Variants in HDAC9 observed in about 807,000 individuals in gnomAD.
The protein encoded by HDAC9 is histone deacetylase 9, also known as MEF-2 interacting transcription repressor (MITR) protein.
HDAC9 carries 41 observed loss-of-function variants against 139.4 expected under a neutral mutation model. That is an observed-to-expected ratio of 0.29 (90% CI 0.23 to 0.38). The LOEUF is 0.38. Ranked by LOEUF, HDAC9 falls within the 10% of genes least tolerant of loss-of-function variation. The pLI, the probability that HDAC9 is intolerant of heterozygous loss-of-function variation, is 1.00. For synonymous variants in HDAC9, 517 were observed against 476.2 expected (o/e 1.09, Z -1.12); for missense variants, 1,147 against 1,297.0 (o/e 0.88, Z 1.78).
intron 13 of HDAC9, among the ~76,000 whole-genome samples, chr7:18,731,181 AACC>A (rs1786008930): frequency 6.6e-6 from 1 of 152,208 alleles, no homozygotes; most frequent in South Asian, 2.1e-4. Context: ...AATATTCTCA[AACC>A]ATAGTTGAAA....
chr7:18,534,556 T>A (rs1175110468), intron 2 of HDAC9, among the ~76,000 whole-genome samples: 1 of 151,972 alleles, frequency 6.6e-6, no homozygotes, highest in Non-Finnish European at 1.5e-5. Context: ...AAAAAAAAAT[T>A]TAGAGAGAGA....
At chr7:18,612,696 C>G (rs1837496301) in intron 6 of HDAC9, among the ~76,000 whole-genome samples, 1 of 151,992 alleles carries the variant, frequency 6.6e-6, no homozygotes, top group Non-Finnish European at 1.5e-5. Context: ...ATAAGTAAAT[C>G]AGATAATCCA....
At chr7:18,779,162 G>A (rs1357233313) in intron 16 of HDAC9, among the ~76,000 whole-genome samples, 1 of 152,054 alleles carries the variant, frequency 6.6e-6, no homozygotes, top group Admixed American at 6.6e-5. Flanking sequence ...GGAATGGGCT[G>A]TCATTCATGT....
intron 8 of HDAC9, among the ~76,000 whole-genome samples, chr7:18,639,143 A>C (rs927648085): frequency 3.9e-5 from 6 of 152,072 alleles, no homozygotes; most frequent in African/African-American, 9.7e-5. Flanking sequence ...TAATAAGGTT[A>C]AGTGTTCTAA....
intron 1 of HDAC9, among the ~76,000 whole-genome samples, chr7:18,104,688 GCC>G (rs1554298504): frequency 1.3e-5 from 2 of 151,894 alleles, no homozygotes; most frequent in Non-Finnish European, 2.9e-5. Flanking sequence ...TTCCTCCTCT[GCC>G]TCTGCTCTCT....
chr7:18,419,577 A>G (rs953315442), intron 1 of HDAC9, among the ~76,000 whole-genome samples: 2 of 152,182 alleles, frequency 1.3e-5, no homozygotes, highest in African/African-American at 4.8e-5. Flanking sequence ...AAACGACTCT[A>G]TTCTATGCAC....
At chr7:18,446,093 G>C (rs552452529) in intron 1 of HDAC9, among the ~76,000 whole-genome samples, 5 of 152,178 alleles carry the variant, frequency 3.3e-5, no homozygotes, top group Non-Finnish European at 7.3e-5. Context: ...GGCCTTTGTC[G>C]TCTGGCCAGC....
chr7:18,877,606 G>C (rs1008943147), intron 22 of HDAC9, among the ~76,000 whole-genome samples: 5 of 152,118 alleles, frequency 3.3e-5, no homozygotes, highest in African/African-American at 1.2e-4. Flanking sequence ...TTAGCACATT[G>C]AGTCAATCTT....
intron 21 of HDAC9, among the ~76,000 whole-genome samples, chr7:18,863,097 G>T (rs1361655195): frequency 6.6e-6 from 1 of 152,202 alleles, no homozygotes; most frequent in Non-Finnish European, 1.5e-5. Context: ...TCTGATGTTT[G>T]CATTTAAAGC....
At chr7:18,588,547 AC>A (rs1374215132) in intron 3 of HDAC9, among the ~76,000 whole-genome samples, 2 of 152,216 alleles carry the variant, frequency 1.3e-5, no homozygotes, top group Admixed American at 6.5e-5. Context: ...AAGTTTGGGT[AC>A]ATTGAACCAT....
intron 1 of HDAC9, among the ~76,000 whole-genome samples, chr7:18,338,407 GATT>G (rs2128657443): frequency 6.6e-6 from 1 of 151,694 alleles, no homozygotes; most frequent in South Asian, 2.1e-4. Flanking sequence ...TAGATCCAAG[GATT>G]AGGCTCAAGG....
chr7:18,369,542 C>T (rs1334070516), intron 1 of HDAC9, among the ~76,000 whole-genome samples: 2 of 151,540 alleles, frequency 1.3e-5, no homozygotes, highest in Admixed American at 1.3e-4. Flanking sequence ...ACCTGGAAAT[C>T]CTGGGAATAT....
At chr7:18,268,326 A>C (rs901341223) in intron 2 of HDAC9, among the ~76,000 whole-genome samples, 3 of 152,138 alleles carry the variant, frequency 2.0e-5, no homozygotes, top group Non-Finnish European at 4.4e-5. Flanking sequence ...TTTGATGGCT[A>C]TATCTTATTT....
chr7:18,690,444 C>T (rs947914949), intron 12 of HDAC9, among the ~76,000 whole-genome samples: 2 of 151,962 alleles, frequency 1.3e-5, no homozygotes, highest in Non-Finnish European at 2.9e-5. Flanking sequence ...TGTCTGTGAG[C>T]ATAACTTTTT....
At position 18,647,797 on chromosome 7, in the gene HDAC9, C is replaced by T. The variant is rs763853620; in HGVS notation, c.1048C>T (p.Leu350Phe). 1.9e-6 allele frequency: 3 copies of T among 1,608,540 alleles called. No homozygotes were observed. Among genetic ancestry groups the T allele is most frequent in the East Asian group, 2.2e-5 (1 of 44,508 alleles). ...VPSQLNASNS[L>F]KEKQKCETQT... ...TTTCTCAACACAGGCTTCGAATTCA[C>T]TCAAAGAAAAGCAGAAGTGTGAGAC... The change falls in exon 10 of 26, where the codon CTC becomes TTC. Residue 350 changes from leucine (L) to phenylalanine (F), a missense_variant. By Grantham distance (22) the Leu-to-Phe change is conservative. This residue lies in a region of HDAC9 where 264 missense variants were observed against 273.8 expected (regional missense o/e 0.96). Transcript: ENST00000686413.
intron 2 of HDAC9, among the ~76,000 whole-genome samples, chr7:18,549,153 G>C (rs1162813189): frequency 6.6e-6 from 1 of 152,124 alleles, no homozygotes; most frequent in South Asian, 2.1e-4. Flanking sequence ...CAGGAGAATC[G>C]CTTGGACCTG....
intron 1 of HDAC9, among the ~76,000 whole-genome samples, chr7:18,398,175 G>C (rs370858982): frequency 1.3e-5 from 2 of 152,136 alleles, no homozygotes; most frequent in Non-Finnish European, 2.9e-5. Flanking sequence ...TTCCACAACT[G>C]CTTCAAAGGG....
At chr7:18,645,928 G>A (rs960862762) in intron 9 of HDAC9, among the ~76,000 whole-genome samples, 14 of 152,078 alleles carry the variant, frequency 9.2e-5, no homozygotes, top group Admixed American at 9.2e-4. Flanking sequence ...ATGTGGTACT[G>A]TGTTCTTATA....
intron 2 of HDAC9, among the ~76,000 whole-genome samples, chr7:18,263,372 G>T (rs1198776859): frequency 6.6e-6 from 1 of 152,112 alleles, no homozygotes; most frequent in African/African-American, 2.4e-5. Context: ...CTGGTCCACA[G>T]CTTGATTCAA....
Sources: gnomAD v4.1 joint callset for allele counts (sites outside exome capture counted in the v4.1 genomes callset) on GRCh38, gnomAD v4.1.1 for gene constraint, gnomAD v4.1.1 regional missense constraint, MANE v1.5 for transcripts, NCBI Gene and HGNC (gene_info 2026-07-23, HGNC 2026-07-21) for gene names.